CD96: variants seen among roughly 807,000 people sequenced by gnomAD.
The protein encoded by CD96 is CD96 molecule.
A neutral mutation model predicts 71.3 loss-of-function variants in CD96; 70 were observed. The ratio of observed to expected loss-of-function variants is 0.98; its 90% CI spans 0.81 to 1.20. The LOEUF (loss-of-function observed/expected upper bound fraction) is 1.20. Ranked by LOEUF, CD96 falls within the 50% of genes most tolerant of loss-of-function variation. The pLI is 0.00. For missense variants in CD96, 742 were observed against 677.5 expected (o/e 1.10, Z -1.06); for synonymous variants, 248 against 233.0 (o/e 1.06, Z -0.59).
intron 4 of CD96, among the ~76,000 whole-genome samples, chr3:111,581,366 A>G (rs565746826): frequency 1.3e-5 from 2 of 152,292 alleles, no homozygotes; most frequent in East Asian, 3.9e-4. Context: ...AACCTACTTT[A>G]CATCCCTTGG....
chr3:111,546,715 G>A (rs1934413327), intron 2 of CD96, among the ~76,000 whole-genome samples: 1 of 152,094 alleles, frequency 6.6e-6, no homozygotes, highest in South Asian at 2.1e-4. Flanking sequence ...TCATATTAAA[G>A]GGGGCATAGA....
chr3:111,665,195 ATGTG>A (rs141294278), intron 14 of CD96, among the ~76,000 whole-genome samples: 2 of 134,610 alleles, frequency 1.5e-5, no homozygotes, highest in African/African-American at 5.6e-5. Context: ...GTGTGTGTGT[ATGTG>A]TGTGTGTGTG....
intron 2 of CD96, among the ~76,000 whole-genome samples, chr3:111,546,850 T>G (rs1450198375): frequency 1.3e-5 from 2 of 151,348 alleles, no homozygotes; most frequent in Non-Finnish European, 2.9e-5. Context: ...AACTACTATC[T>G]TATAATGCCC....
intron 10 of CD96, among the ~76,000 whole-genome samples, chr3:111,631,853 A>G (rs942247354): frequency 3.9e-5 from 6 of 152,178 alleles, no homozygotes; most frequent in Non-Finnish European, 8.8e-5. Context: ...TCTTTGACAA[A>G]CCTGACAAAA....
At chr3:111,634,117 G>A (rs1939207128) in intron 10 of CD96, 1 of 152,876 alleles carries the variant, frequency 6.5e-6, no homozygotes, top group Admixed American at 6.5e-5. Flanking sequence ...CCTACCAAGG[G>A]AAAAGATGCC....
Position 111,606,486 on chromosome 3 carries a change from G to A in CD96, c.1088-214G>A, listed in dbSNP as rs146447268. Among the ~76,000 whole-genome samples, 295 of 152,250 alleles carry A rather than the reference G, an allele frequency of 1.9e-3. 1 individual carries two copies. The highest frequency in any genetic ancestry group is 0.01 in the Middle Eastern group (3 of 294). ...TGTCATGGTACTCAACACAATGCTT[G>A]GCTGCCTAGTTTCCAGGCCATAGGC... On this transcript the variant is annotated intron_variant, in intron 7 of 13. Coordinates refer to ENST00000352690, the MANE Select transcript of CD96 (RefSeq NM_005816.5).
At chr3:111,631,077 T>C (rs1228966166) in intron 10 of CD96, among the ~76,000 whole-genome samples, 1 of 152,168 alleles carries the variant, frequency 6.6e-6, no homozygotes, top group African/African-American at 2.4e-5. Context: ...AGCATTCCCC[T>C]TGAAAACCGG....
intron 14 of CD96, among the ~76,000 whole-genome samples, chr3:111,663,849 C>T (rs569970014): frequency 5.7e-4 from 87 of 151,450 alleles, no homozygotes; most frequent in Non-Finnish European, 1.0e-3. Flanking sequence ...CCCGGGTTCA[C>T]GCCATTCTCC....
intron 14 of CD96, among the ~76,000 whole-genome samples, chr3:111,659,997 G>A (rs1010808397): frequency 6.6e-6 from 1 of 152,134 alleles, no homozygotes; most frequent in African/African-American, 2.4e-5. Context: ...CACCACTCCT[G>A]TTATACATAG....
At chr3:111,598,346 C>A in intron 6 of CD96, 136 bp downstream of exon 6, 1 of 672,080 alleles carries the variant, frequency 1.5e-6, no homozygotes, top group South Asian at 1.6e-5. Flanking sequence ...ATTCTGCCTA[C>A]CAAATGTCAT....
In CD96 at chr3:111,647,473, A is replaced by C. The variant is rs112565436; in HGVS notation, c.1478-70A>C. ...AGAAAATATGTTTCACGTAGGAAAA[A>C]TGGTTTAATCCTGTTTTCCAAATGC... On this transcript the variant is annotated intron_variant, in intron 12 of 13. Coordinates refer to ENST00000352690, the MANE Select transcript of CD96 (RefSeq NM_005816.5). 2.7e-5 allele frequency: 38 copies of C among 1,395,018 alleles called. No individual in the cohort carries two copies. The African/African-American group carries it at 4.1e-4, about 15-fold the overall frequency. The allele number at this position is 1,395,018 out of a possible 1,614,324, so 86.4% of individuals were successfully genotyped here. A position where few individuals can be genotyped will look rare whatever the true frequency, so the allele number is the denominator to read the frequency against.
At chr3:111,612,485 T>C (rs1187757324) in intron 8 of CD96, among the ~76,000 whole-genome samples, 3 of 152,244 alleles carry the variant, frequency 2.0e-5, no homozygotes, top group African/African-American at 7.2e-5. Context: ...TTGCCTCCAA[T>C]GTGTATGGAC....
intron 2 of CD96, among the ~76,000 whole-genome samples, chr3:111,546,893 A>C (rs527492755): frequency 1.2e-5 from 1 of 86,824 alleles, no homozygotes; most frequent in African/African-American, 3.3e-5. Context: ...AGGAAAACAC[A>C]CCACACACAC....
At chr3:111,544,133 T>G (rs570875487) in intron 1 of CD96, among the ~76,000 whole-genome samples, 7 of 152,172 alleles carry the variant, frequency 4.6e-5, no homozygotes, top group Middle Eastern at 3.4e-3. Flanking sequence ...AGGTGTGACT[T>G]TTTTTGTTTT....
intron 2 of CD96, among the ~76,000 whole-genome samples, chr3:111,547,966 T>C (rs73855145): frequency 0.057 from 8,669 of 152,206 alleles, 578 homozygotes; most frequent in African/African-American, 0.15. Context: ...GAGAGCTCTG[T>C]CAAGTTCACA....
chr3:111,577,474 C>T (rs779857443), intron 3 of CD96: 46 of 1,541,304 alleles, frequency 3.0e-5, no homozygotes, highest in Non-Finnish European at 4.1e-5. Context: ...CAGTCTTTCT[C>T]CCTTCTTCTT....
downstream of CD96, among the ~76,000 whole-genome samples, chr3:111,657,163 T>C (rs146943469): frequency 7.8e-3 from 1,190 of 152,224 alleles, 19 homozygotes; most frequent in African/African-American, 0.027. Context: ...CTCACACCTG[T>C]AATCCCAGCA....
intron 8 of CD96, among the ~76,000 whole-genome samples, chr3:111,618,117 C>G: frequency 6.6e-6 from 1 of 152,208 alleles, no homozygotes; most frequent in Non-Finnish European, 1.5e-5. Flanking sequence ...GTGGCCAGAC[C>G]CCACGCTCAC....
chr3:111,573,297 CAT>C (rs1327676812), intron 3 of CD96, among the ~76,000 whole-genome samples: 1 of 152,148 alleles, frequency 6.6e-6, no homozygotes, highest in Non-Finnish European at 1.5e-5. Context: ...GTCCAATAAA[CAT>C]ATATGAATCT....
Sources: gnomAD v4.1 joint callset for allele counts (sites outside exome capture counted in the v4.1 genomes callset) on GRCh38, gnomAD v4.1.1 for gene constraint, MANE v1.5 for transcripts, NCBI Gene and HGNC (gene_info 2026-07-23, HGNC 2026-07-21) for gene names.